The following KIAA0513 variants were observed in gnomAD, a reference collection of about 807,000 sequenced individuals.
KIAA0513 encodes the protein KIAA0513, also known as uncharacterized protein KIAA0513.
Under a neutral mutation model 56.5 loss-of-function variants are expected in KIAA0513, and 39 were observed. The ratio of observed to expected loss-of-function variants is 0.69; its 90% CI spans 0.53 to 0.90. The LOEUF is 0.90. Among genes scored for constraint, KIAA0513 ranks in the 40% least tolerant of loss-of-function variants. KIAA0513 has a pLI of 0.00. For missense variants in KIAA0513, 591 were observed against 535.2 expected (o/e 1.10, Z -1.03); for synonymous variants, 268 against 215.6 (o/e 1.24, Z -2.13).
rs916580598 is a variant in KIAA0513 at position 85,092,634 on chromosome 16, C to G, written c.*4309C>G. 5 of 152,246 alleles carry G rather than the reference C, an allele frequency of 3.3e-5. No homozygotes were observed. The East Asian group carries it at 9.6e-4, about 29-fold the overall frequency. The allele number at this position is 152,246 out of a possible 1,614,324, so 9.4% of individuals were successfully genotyped here. A position where few individuals can be genotyped will look rare whatever the true frequency, so the allele number is the denominator to read the frequency against. ...ACTGAGCCATTCACTTCTGCTGAAC[C>G]ATTTTTCTTAGGATGCAGCCGTCTC... On this transcript the variant is annotated 3_prime_UTR_variant, in exon 13 of 13. Transcript: ENST00000683363.
At position 85,088,414 on chromosome 16, in the gene KIAA0513, G is replaced by C. The variant is rs2073834250; in HGVS notation, c.*89G>C. 3.4e-6 allele frequency: 4 copies of C among 1,163,426 alleles called. No individual in the cohort carries two copies. The highest frequency in any genetic ancestry group is 5.1e-6 in the Non-Finnish European group (4 of 790,592). 72.1% of individuals were successfully genotyped at this position (1,163,426 alleles called of 1,614,324 possible). A position where few individuals can be genotyped will look rare whatever the true frequency, so the allele number is the denominator to read the frequency against. On this transcript the variant is annotated 3_prime_UTR_variant, in exon 13 of 13. Transcript: ENST00000683363. ...CGGCCGTCACCCCACCCGATGACCT[G>C]CATGAAGCCAGCAGCACCCAGAGCC...
At chr16:85,064,934 G>T (rs576330055) in intron 1 of KIAA0513, among the ~76,000 whole-genome samples, 3 of 151,708 alleles carry the variant, frequency 2.0e-5, no homozygotes, top group Admixed American at 2.0e-4. Context: ...ATCCACCCGC[G>T]TCAGCCTCCC....
intron 1 of KIAA0513, among the ~76,000 whole-genome samples, chr16:85,030,489 G>A (rs2075059946): frequency 6.6e-6 from 1 of 152,184 alleles, no homozygotes; most frequent in South Asian, 2.1e-4. Context: ...TTGTTTTCCT[G>A]TAATCCCAGC....
intron 10 of KIAA0513, 77 bp from the exon 11 acceptor site, chr16:85,086,567 G>A (rs1483465861): frequency 4.8e-5 from 68 of 1,403,560 alleles, no homozygotes; most frequent in Non-Finnish European, 5.9e-5. Flanking sequence ...CAGCACCTGC[G>A]GGTCAGAACA....
intron 1 of KIAA0513, among the ~76,000 whole-genome samples, chr16:85,050,375 A>T (rs1240019741): frequency 7.0e-6 from 1 of 142,512 alleles, no homozygotes; most frequent in Non-Finnish European, 1.5e-5. Flanking sequence ...TTTGAGACGG[A>T]CTCTTGTTCT....
intron 10 of KIAA0513, among the ~76,000 whole-genome samples, chr16:85,085,864 C>T (rs767674432): frequency 1.3e-5 from 2 of 152,224 alleles, no homozygotes; most frequent in Non-Finnish European, 2.9e-5. Context: ...CGGCCGATGC[C>T]GTCTTACTGG....
chr16:85,045,395 A>G (rs2073158022), intron 1 of KIAA0513, among the ~76,000 whole-genome samples: 1 of 152,042 alleles, frequency 6.6e-6, no homozygotes, highest in African/African-American at 2.4e-5. Context: ...TTGCTCTGTC[A>G]CCTATGCTGA....
At chr16:85,033,920 C>A (rs549344672) in intron 1 of KIAA0513, among the ~76,000 whole-genome samples, 4 of 152,294 alleles carry the variant, frequency 2.6e-5, no homozygotes, top group Admixed American at 2.0e-4. Context: ...CATTACTGCC[C>A]ATTTCTTGTG....
intron 2 of KIAA0513, among the ~76,000 whole-genome samples, chr16:85,070,505 C>G (rs1012209726): frequency 6.6e-6 from 1 of 152,076 alleles, no homozygotes; most frequent in East Asian, 1.9e-4. Flanking sequence ...TGATGAAACC[C>G]CGTCTCTACT....
chr16:85,093,579 A>C lies in KIAA0513; in HGVS notation c.*5254A>C, dbSNP rs1279876589. 6.6e-6 allele frequency: 1 copy of C among 152,498 alleles called. No homozygotes were observed. Among genetic ancestry groups the C allele is most frequent in the Non-Finnish European group, 1.5e-5 (1 of 68,040 alleles). 9.4% of individuals were successfully genotyped at this position (152,498 alleles called of 1,614,324 possible). ...GGGGGGCTGCGCCCGCTCCCTCCTT[A>C]ATCCTAGATGATTTGCTCATGAAAT... On this transcript the variant is annotated 3_prime_UTR_variant, in exon 13 of 13. Transcript: ENST00000683363.
At chr16:85,060,272 A>G (rs2073385396) in intron 1 of KIAA0513, among the ~76,000 whole-genome samples, 2 of 151,896 alleles carry the variant, frequency 1.3e-5, no homozygotes, top group East Asian at 3.9e-4. Flanking sequence ...TCTTAGGTTG[A>G]TTTGTGATGG....
intron 1 of KIAA0513, among the ~76,000 whole-genome samples, chr16:85,036,772 G>A (rs957895817): frequency 1.3e-5 from 2 of 152,184 alleles, no homozygotes; most frequent in African/African-American, 4.8e-5. Context: ...CCCCCTGCCC[G>A]GGGACAGCTC....
intron 1 of KIAA0513, among the ~76,000 whole-genome samples, chr16:85,065,761 G>A (rs2073471969): frequency 6.6e-6 from 1 of 152,208 alleles, no homozygotes; most frequent in South Asian, 2.1e-4. Flanking sequence ...GGGGCTGTCA[G>A]GAGGGCGTCT....
chr16:85,086,859 T>A, intron 11 of KIAA0513, 135 bp downstream of exon 11: 1 of 897,658 alleles, frequency 1.1e-6, no homozygotes, highest in Non-Finnish European at 1.7e-6. Flanking sequence ...TTGGCCTCCA[T>A]GCCAGCTCAT....
chr16:85,051,478 A>T (rs2073251190), intron 1 of KIAA0513, among the ~76,000 whole-genome samples: 1 of 152,230 alleles, frequency 6.6e-6, no homozygotes, highest in Non-Finnish European at 1.5e-5. Flanking sequence ...CCTGTTAACA[A>T]GCAGACATCC....
Position 85,092,408 on chromosome 16 carries a change from CT to C in KIAA0513, c.*4086del, listed in dbSNP as rs1404629285. The C allele has an allele frequency of 6.6e-6, 1 of 152,232 alleles. No individual in the cohort carries two copies. The highest frequency in any genetic ancestry group is 2.4e-5 in the African/African-American group (1 of 41,448). 9.4% of individuals were successfully genotyped at this position (152,232 alleles called of 1,614,324 possible). A position where few individuals can be genotyped will look rare whatever the true frequency, so the allele number is the denominator to read the frequency against. ...GAGAACTTTAAAAATTAGAGGGTCC[CT>C]TTCTGCAGAGGAAGGGATGCTCGCA... is the stretch of plus-strand genomic sequence containing the variant. On this transcript the variant is annotated 3_prime_UTR_variant, in exon 13 of 13. Coordinates refer to ENST00000683363, the MANE Select transcript of KIAA0513 (RefSeq NM_001388359.1).
chr16:85,069,253 C>G (rs2073536239), intron 2 of KIAA0513, among the ~76,000 whole-genome samples: 1 of 151,478 alleles, frequency 6.6e-6, no homozygotes, highest in Non-Finnish European at 1.5e-5. Flanking sequence ...CTCTGTCACC[C>G]AGGCTTGAGT....
intron 10 of KIAA0513, among the ~76,000 whole-genome samples, chr16:85,086,190 T>A (rs2073805575): frequency 6.6e-6 from 1 of 152,080 alleles, no homozygotes. Flanking sequence ...GACACAGGTG[T>A]GAGTCTAAAA....
rs919127112 is a variant in KIAA0513 at position 85,076,584 on chromosome 16, G to A, written c.574+670G>A. On this transcript the variant is annotated intron_variant, in intron 5 of 12. Coordinates refer to ENST00000683363, the MANE Select transcript of KIAA0513 (RefSeq NM_001388359.1). This position sits in a 1 kb window ranked among gnomAD's most constrained non-coding sequence, Gnocchi z 4.7. ...GGGAGGTGCTAGGCCCTGGTCCCCC[G>A]TGCTTTCCTCTCTCGGGACCCGCGT... 2.0e-5 allele frequency among the ~76,000 whole-genome samples: 3 copies of A among 152,076 alleles called. No homozygotes were observed. The highest frequency in any genetic ancestry group is 4.4e-5 in the Non-Finnish European group (3 of 68,000).
Sources: allele counts gnomAD v4.1 joint callset (sites outside exome capture counted in the v4.1 genomes callset), GRCh38; gene constraint gnomAD v4.1.1; non-coding constraint Gnocchi (gnomAD v3.1); transcripts MANE v1.5; gene names NCBI Gene and HGNC (gene_info 2026-07-23, HGNC 2026-07-21).